The following STAG2 variants were observed in gnomAD, a reference collection of about 807,000 sequenced individuals.
The protein encoded by STAG2 is cohesin subunit SA-2.
Under a neutral mutation model 108.1 loss-of-function variants are expected in STAG2, and 14 were observed. The ratio of observed to expected loss-of-function variants is 0.13; its 90% CI spans 0.09 to 0.20. STAG2 has a LOEUF of 0.20. STAG2 is among the 10% of genes least tolerant of loss of function. The pLI is 1.00. For synonymous variants in STAG2, 307 were observed against 302.7 expected (o/e 1.01, Z -0.15); for missense variants, 440 against 940.9 (o/e 0.47, Z 6.96).
At chrX:124,097,354 A>G (rs893083229) in intron 34 of STAG2, among the ~76,000 whole-genome samples, 1 of 110,905 alleles carries the variant, frequency 9.0e-6, no homozygotes, top group African/African-American at 3.3e-5. Flanking sequence ...CTATAGTTTA[A>G]CTGCACACTG....
intron 23 of STAG2, among the ~76,000 whole-genome samples, chrX:124,066,730 A>G (rs1301590085): frequency 8.9e-6 from 1 of 112,150 alleles, no homozygotes; most frequent in East Asian, 2.8e-4. Context: ...ATTAGATTAC[A>G]TAAATTGAAG....
At chrX:124,029,929 C>A (rs1430812036) in intron 4 of STAG2, among the ~76,000 whole-genome samples, 1 of 111,114 alleles carries the variant, frequency 9.0e-6, no homozygotes, top group Non-Finnish European at 1.9e-5. Context: ...TATAGGGAAC[C>A]TTTTCACTGA....
At chrX:124,003,037 G>A (rs1410571783) in intron 1 of STAG2, among the ~76,000 whole-genome samples, 1 of 108,194 alleles carries the variant, frequency 9.2e-6, no homozygotes, top group African/African-American at 3.4e-5. Context: ...GTGCGATCTC[G>A]GCTCACTGCA....
At chrX:124,005,627 C>G (rs2056250488) in intron 1 of STAG2, among the ~76,000 whole-genome samples, 2 of 111,915 alleles carry the variant, frequency 1.8e-5, no homozygotes, top group South Asian at 7.5e-4. Context: ...TCCTTGGGAT[C>G]CATCCATGTT....
intron 1 of STAG2, among the ~76,000 whole-genome samples, chrX:123,968,486 C>A (rs767076028): frequency 9.0e-6 from 1 of 110,965 alleles, no homozygotes; most frequent in African/African-American, 3.3e-5. Context: ...GTAGGGAGAC[C>A]CCATCTCTAC....
chrX:124,040,427 T>C, intron 6 of STAG2, among the ~76,000 whole-genome samples: 1 of 111,148 alleles, frequency 9.0e-6, no homozygotes, highest in Non-Finnish European at 1.9e-5. Context: ...GCAGTCTTGC[T>C]AAAAATGTCC....
At chrX:124,000,556 G>T (rs2055981744) in intron 1 of STAG2, among the ~76,000 whole-genome samples, 1 of 110,608 alleles carries the variant, frequency 9.0e-6, no homozygotes, top group South Asian at 3.8e-4. Context: ...CATGCCTGTA[G>T]TCTCAGCTAC....
intron 4 of STAG2, among the ~76,000 whole-genome samples, chrX:124,027,057 C>T (rs776106061): frequency 2.7e-5 from 3 of 111,048 alleles, no homozygotes; most frequent in South Asian, 7.6e-4. Flanking sequence ...GCCTGTGCCA[C>T]GATGCCTGGC....
chrX:123,965,824 G>GGCAACATATCTAT (rs1431185987), intron 1 of STAG2, among the ~76,000 whole-genome samples: 13 of 108,811 alleles, frequency 1.2e-4, no homozygotes, highest in Middle Eastern at 9.6e-3. Context: ...GCAACATAGG[G>GGCAACATATCTAT]AGACCCCATG....
At chrX:123,996,714 T>G (rs186204554) in intron 1 of STAG2, among the ~76,000 whole-genome samples, 10 of 112,306 alleles carry the variant, frequency 8.9e-5, no homozygotes, top group African/African-American at 9.7e-5. Context: ...CGGGGTGTTG[T>G]GTTAGCAGAA....
intron 13 of STAG2, among the ~76,000 whole-genome samples, chrX:124,054,465 A>G (rs1003175440): frequency 8.9e-6 from 1 of 111,977 alleles, no homozygotes; most frequent in Non-Finnish European, 1.9e-5. Context: ...TTTTAATTAT[A>G]TTTTAAAATC....
intron 3 of STAG2, among the ~76,000 whole-genome samples, chrX:124,025,262 TA>T (rs2057056899): frequency 8.9e-6 from 1 of 112,127 alleles, no homozygotes; most frequent in African/African-American, 3.2e-5. Context: ...CTTTACTTCA[TA>T]AAGGATATTG....
At chrX:124,094,391 A>G (rs2059328433) in intron 33 of STAG2, among the ~76,000 whole-genome samples, 1 of 111,698 alleles carries the variant, frequency 9.0e-6, no homozygotes, top group Non-Finnish European at 1.9e-5. Context: ...AGGAATATAT[A>G]GGTTTAAAGG....
chrX:124,020,405 C>G (rs750907837), intron 1 of STAG2, among the ~76,000 whole-genome samples: 9 of 111,959 alleles, frequency 8.0e-5, no homozygotes, highest in African/African-American at 9.7e-5. Flanking sequence ...CTGACCTGTT[C>G]ATTAGAATTT....
intron 1 of STAG2, among the ~76,000 whole-genome samples, chrX:123,964,718 GTTTTT>G (rs11315284): frequency 9.9e-6 from 1 of 101,133 alleles, no homozygotes; most frequent in Non-Finnish European, 2.0e-5. Flanking sequence ...GGTGGAGTGG[GTTTTT>G]TTTTTTTTAA....
In STAG2 at chrX:124,085,655, A is replaced by G. The variant is rs184266999; in HGVS notation, c.3054-892A>G. On this transcript the variant is annotated intron_variant, in intron 29 of 34. Coordinates refer to ENST00000371145, the MANE Select transcript of STAG2 (RefSeq NM_001042750.2). ...CCAGGCATGGCAGTGTGCACCTGTA[A>G]TCCCAGCTACTCAGGAGGCCGAGGC... 6.2e-4 allele frequency among the ~76,000 whole-genome samples: 67 copies of G among 108,438 alleles called. No individual in the cohort carries two copies. In the East Asian group the frequency reaches 0.016, roughly 25 times the overall value. The allele number at this position is 108,438 out of a possible 115,157, so 94.2% of individuals were successfully genotyped here.
At chrX:124,013,320 CACAA>C (rs1003588578) in intron 1 of STAG2, among the ~76,000 whole-genome samples, 18 of 96,952 alleles carry the variant, frequency 1.9e-4, no homozygotes, top group African/African-American at 5.6e-4. Flanking sequence ...CACACACACA[CACAA>C]ACACACACAC....
At chrX:123,967,861 C>T (rs2054179023) in intron 1 of STAG2, among the ~76,000 whole-genome samples, 1 of 109,498 alleles carries the variant, frequency 9.1e-6, no homozygotes, top group Admixed American at 9.8e-5. Flanking sequence ...AAAAATAGTA[C>T]ACCTCTATAG....
At chrX:124,020,481 G>A (rs971703351) in intron 1 of STAG2, among the ~76,000 whole-genome samples, 1 of 111,458 alleles carries the variant, frequency 9.0e-6, no homozygotes, top group Admixed American at 9.6e-5. Flanking sequence ...AAATAAGTTA[G>A]CATTTTAGGA....
Sources: gnomAD v4.1 joint callset for allele counts (sites outside exome capture counted in the v4.1 genomes callset) on GRCh38, gnomAD v4.1.1 for gene constraint, MANE v1.5 for transcripts, NCBI Gene and HGNC (gene_info 2026-07-23, HGNC 2026-07-21) for gene names.